Variants in PCDH15 observed in about 807,000 individuals in gnomAD.
PCDH15 encodes the protein protocadherin-15.
In PCDH15, 129 loss-of-function variants were observed where a neutral mutation model predicts 178.5. The ratio of observed to expected loss-of-function variants is 0.72; its 90% CI spans 0.63 to 0.84. The LOEUF (loss-of-function observed/expected upper bound fraction) is 0.84. PCDH15 is among the 40% of genes least tolerant of loss of function. The pLI is 0.00. For synonymous variants in PCDH15, 800 were observed against 732.0 expected (o/e 1.09, Z -1.50); for missense variants, 2,230 against 2,099.9 (o/e 1.06, Z -1.21).
intron 2 of PCDH15, among the ~76,000 whole-genome samples, chr10:55,525,073 C>A (rs1841273423): frequency 6.6e-6 from 1 of 151,660 alleles, no homozygotes; most frequent in Non-Finnish European, 1.5e-5. Flanking sequence ...ATAAAATGAC[C>A]TAGATTTAGA....
intron 2 of PCDH15, among the ~76,000 whole-genome samples, chr10:55,385,779 A>C (rs1031297529): frequency 1.4e-5 from 2 of 144,926 alleles, no homozygotes; most frequent in Non-Finnish European, 3.0e-5. Context: ...ACGTATATAG[A>C]TATGCATATC....
intron 3 of PCDH15, among the ~76,000 whole-genome samples, chr10:54,394,784 G>A (rs116617739): frequency 0.018 from 2,757 of 152,230 alleles, 89 homozygotes; most frequent in African/African-American, 0.063. Context: ...TCAACCCTAA[G>A]AGGCAGGCGC....
intron 4 of PCDH15, among the ~76,000 whole-genome samples, chr10:54,376,272 T>G (rs1948418417): frequency 6.6e-6 from 1 of 151,892 alleles, no homozygotes; most frequent in South Asian, 2.1e-4. Context: ...AGAATTACAT[T>G]TTAGGTAAAT....
intron 8 of PCDH15, 21 bp downstream of exon 8, chr10:54,317,250 G>A (rs1426929254): frequency 2.5e-6 from 4 of 1,607,420 alleles, no homozygotes; most frequent in Admixed American, 3.3e-5. Flanking sequence ...AATAAATGGA[G>A]AAAGATAAGA....
intron 26 of PCDH15, among the ~76,000 whole-genome samples, chr10:53,885,649 A>C (rs1373199168): frequency 6.6e-6 from 1 of 152,206 alleles, no homozygotes; most frequent in Non-Finnish European, 1.5e-5. Context: ...ACATGGTGCT[A>C]AGATAATACT....
At chr10:53,878,476 GTATA>G (rs10683839) in intron 26 of PCDH15, among the ~76,000 whole-genome samples, 1 of 140,618 alleles carries the variant, frequency 7.1e-6, no homozygotes, top group African/African-American at 2.7e-5. Flanking sequence ...CCATAGTATA[GTATA>G]TATATAAATA....
intron 2 of PCDH15, among the ~76,000 whole-genome samples, chr10:55,047,814 T>C (rs991515455): frequency 1.8e-4 from 27 of 151,828 alleles, no homozygotes; most frequent in African/African-American, 4.6e-4. Context: ...AAGTTCCATA[T>C]TGAGGCTTCA....
chr10:55,424,786 T>C (rs988295874), intron 2 of PCDH15, among the ~76,000 whole-genome samples: 5 of 152,070 alleles, frequency 3.3e-5, no homozygotes, highest in Admixed American at 3.3e-4. Context: ...GGAATAGTTT[T>C]CCAGAAGTGC....
intron 18 of PCDH15, among the ~76,000 whole-genome samples, chr10:54,029,761 C>T (rs961167133): frequency 2.0e-5 from 3 of 151,994 alleles, no homozygotes; most frequent in African/African-American, 2.4e-5. Context: ...AAATTCATTC[C>T]CCACCCCTTT....
intron 2 of PCDH15, among the ~76,000 whole-genome samples, chr10:55,423,577 C>T (rs1838677340): frequency 6.6e-6 from 1 of 151,982 alleles, no homozygotes; most frequent in South Asian, 2.1e-4. Flanking sequence ...AGGGGGGAAA[C>T]TCCTCTGTTT....
intron 1 of PCDH15, among the ~76,000 whole-genome samples, chr10:55,287,127 C>T (rs1304256872): frequency 6.6e-6 from 1 of 151,816 alleles, no homozygotes; most frequent in African/African-American, 2.4e-5. Context: ...AGAAAAAAAT[C>T]AGTAACTTCA....
chr10:55,299,017 TTACAACATA>T (rs1206831849), intron 1 of PCDH15, among the ~76,000 whole-genome samples: 2 of 152,352 alleles, frequency 1.3e-5, no homozygotes, highest in African/African-American at 4.8e-5. Flanking sequence ...AGATGGCTAC[TTACAACATA>T]GTATGCAGGC....
At chr10:53,927,003 A>G (rs2121526) in intron 25 of PCDH15, among the ~76,000 whole-genome samples, 146,478 of 152,264 alleles carry the variant, frequency 0.96, 70,490 homozygotes, top group East Asian at 1. Flanking sequence ...TCTGTAGCAC[A>G]AAAATAATGT....
chr10:54,176,575 G>T (rs2047464155), intron 13 of PCDH15, among the ~76,000 whole-genome samples: 1 of 152,164 alleles, frequency 6.6e-6, no homozygotes, highest in Non-Finnish European at 1.5e-5. Context: ...GGATGTAGCA[G>T]GAGATGAAAC....
intron 2 of PCDH15, among the ~76,000 whole-genome samples, chr10:54,946,700 T>C (rs1838207680): frequency 6.6e-6 from 1 of 151,860 alleles, no homozygotes; most frequent in Admixed American, 6.6e-5. Context: ...TACCTTTAAA[T>C]CATAATTTTC....
intron 1 of PCDH15, among the ~76,000 whole-genome samples, chr10:54,698,751 C>T (rs375463743): frequency 5.6e-4 from 85 of 152,214 alleles, no homozygotes; most frequent in South Asian, 3.1e-3. Context: ...AACATTATGC[C>T]TGGCACATGA....
intron 6 of PCDH15, among the ~76,000 whole-genome samples, chr10:54,331,030 G>A (rs928927093): frequency 2.0e-5 from 3 of 151,692 alleles, no homozygotes; most frequent in East Asian, 3.9e-4. Context: ...GAAAGGGAAG[G>A]GGAAGTGTGG....
chr10:55,244,079 T>C (rs888231152), intron 1 of PCDH15, among the ~76,000 whole-genome samples: 2 of 152,130 alleles, frequency 1.3e-5, no homozygotes, highest in African/African-American at 2.4e-5. Context: ...AATATTCTGA[T>C]AATTTGTCTT....
At chr10:54,934,498 T>A (rs1384423205) in intron 2 of PCDH15, among the ~76,000 whole-genome samples, 5 of 151,990 alleles carry the variant, frequency 3.3e-5, no homozygotes, top group African/African-American at 1.2e-4. Context: ...TCACTGGCCA[T>A]CAGAGAAATG....
Sources: gnomAD v4.1 joint callset for allele counts (sites outside exome capture counted in the v4.1 genomes callset) on GRCh38, gnomAD v4.1.1 for gene constraint, MANE v1.5 for transcripts, NCBI Gene and HGNC (gene_info 2026-07-23, HGNC 2026-07-21) for gene names.